The following GDPD5 variants were observed in gnomAD, a reference collection of about 807,000 sequenced individuals.
GDPD5 encodes glycerophosphodiester phosphodiesterase 2.
Under a neutral mutation model 75.1 loss-of-function variants are expected in GDPD5, and 48 were observed. That is an observed-to-expected ratio of 0.64 (90% CI 0.51 to 0.81). The LOEUF is 0.81. GDPD5 is among the 40% of genes least tolerant of loss of function. The pLI is 0.00. For synonymous variants in GDPD5, 336 were observed against 339.0 expected (o/e 0.99, Z 0.10); for missense variants, 706 against 822.6 (o/e 0.86, Z 1.73).
chr11:75,509,098 C>T (rs768532743), intron 1 of GDPD5: 1 of 152,384 alleles, frequency 6.6e-6, no homozygotes, highest in Non-Finnish European at 1.5e-5. Context: ...CCACCAGCCA[C>T]CCAGGGATGC....
chr11:75,524,156 GCAGGT>G (rs1234071475), intron 1 of GDPD5, among the ~76,000 whole-genome samples: 14 of 152,274 alleles, frequency 9.2e-5, no homozygotes, highest in African/African-American at 3.1e-4. Context: ...GAGACCTTGA[GCAGGT>G]CCCTTCCTTC....
At chr11:75,468,266 C>T (rs764564783) in intron 3 of GDPD5, among the ~76,000 whole-genome samples, 1 of 152,224 alleles carries the variant, frequency 6.6e-6, no homozygotes, top group Non-Finnish European at 1.5e-5. Context: ...CTGAATGTTA[C>T]AGAATTTCAG....
intron 10 of GDPD5, among the ~76,000 whole-genome samples, chr11:75,443,856 A>C (rs1948905616): frequency 6.6e-6 from 1 of 152,224 alleles, no homozygotes; most frequent in Admixed American, 6.5e-5. Context: ...CATCTGCTAG[A>C]AAGTTGTGAT....
chr11:75,523,111 G>A (rs1941526574), intron 1 of GDPD5, among the ~76,000 whole-genome samples: 1 of 152,194 alleles, frequency 6.6e-6, no homozygotes. Flanking sequence ...TCATAGGGAT[G>A]GAAACGGATA....
intron 1 of GDPD5, among the ~76,000 whole-genome samples, chr11:75,501,747 AGAG>A (rs1380751537): frequency 1.3e-5 from 2 of 152,128 alleles, no homozygotes; most frequent in African/African-American, 2.4e-5. Flanking sequence ...GGCTGGGGGC[AGAG>A]GAGGAGGCCA....
chr11:75,441,498 A>G, intron 13 of GDPD5, 148 bp downstream of exon 13: 1 of 1,120,700 alleles, frequency 8.9e-7, no homozygotes. Flanking sequence ...TTGTCTTTGA[A>G]CCATGTGTGC....
chr11:75,500,896 C>T (rs1950293442), intron 1 of GDPD5, among the ~76,000 whole-genome samples: 1 of 152,182 alleles, frequency 6.6e-6, no homozygotes, highest in South Asian at 2.1e-4. Flanking sequence ...CTGTAGTCAC[C>T]ACTCAAACTC....
At chr11:75,458,760 A>C (rs939937195) in intron 4 of GDPD5, among the ~76,000 whole-genome samples, 1 of 152,178 alleles carries the variant, frequency 6.6e-6, no homozygotes, top group Non-Finnish European at 1.5e-5. Flanking sequence ...GGTGAGATGC[A>C]TGGTAACTAC....
chr11:75,450,078 C>G, intron 6 of GDPD5, 95 bp from the exon 7 acceptor site: 1 of 977,068 alleles, frequency 1.0e-6, no homozygotes, highest in South Asian at 1.4e-5. Flanking sequence ...ACAGAGAGGG[C>G]AGGAGAGGCC....
At chr11:75,442,790 G>C (rs545474047) in intron 11 of GDPD5, 2 of 609,288 alleles carry the variant, frequency 3.3e-6, no homozygotes, top group Non-Finnish European at 5.8e-6. Context: ...GACGGAGGAC[G>C]GCTTGCTTGG....
At chr11:75,440,147 G>A (rs1317097788) in intron 14 of GDPD5, among the ~76,000 whole-genome samples, 186 bp from the exon 15 acceptor site, 2 of 152,178 alleles carry the variant, frequency 1.3e-5, no homozygotes, top group East Asian at 1.9e-4. Flanking sequence ...GTGGGCCTGG[G>A]GGCCGGGGCG....
chr11:75,472,734 G>A (rs923635754), intron 3 of GDPD5, among the ~76,000 whole-genome samples: 3 of 152,160 alleles, frequency 2.0e-5, no homozygotes, highest in Non-Finnish European at 4.4e-5. Flanking sequence ...CCTTCCAGTT[G>A]TTCATTCAGT....
At chr11:75,473,090 C>T (rs1949704110) in intron 3 of GDPD5, among the ~76,000 whole-genome samples, 1 of 151,898 alleles carries the variant, frequency 6.6e-6, no homozygotes, top group African/African-American at 2.4e-5. Context: ...TGCGGAGAAG[C>T]TCAGGGTGGC....
At chr11:75,452,248 A>C (rs1949179850) in intron 6 of GDPD5, 1 of 152,166 alleles carries the variant, frequency 6.6e-6, no homozygotes, top group African/African-American at 2.4e-5. Flanking sequence ...CCTCACTTGA[A>C]TCACGGTCTT....
intron 7 of GDPD5, 43 bp downstream of exon 7, chr11:75,449,838 CAGAA>C: frequency 1.3e-6 from 2 of 1,575,616 alleles, no homozygotes; most frequent in Non-Finnish European, 1.7e-6. Context: ...AGGGAAGTGA[CAGAA>C]AGGCTCTTGT....
Position 75,505,138 on chromosome 11 carries a change from C to A in GDPD5, c.-144-14818G>T, listed in dbSNP as rs1198387155. Among the ~76,000 whole-genome samples, 12 of 150,522 alleles carry A rather than the reference C, an allele frequency of 8.0e-5. 2 individuals carry two copies. Among genetic ancestry groups the A allele is most frequent in the Admixed American group, 1.3e-4 (2 of 15,142 alleles). ...CTCCATCTCAGAAAAAAAAAAACAA[C>A]AAAAAAAACCTCTCACTCTTGAGGT... On this transcript the variant is annotated intron_variant, in intron 1 of 16. Transcript: ENST00000336898.
At chr11:75,486,670 A>C (rs1463635545) in intron 2 of GDPD5, among the ~76,000 whole-genome samples, 1 of 151,986 alleles carries the variant, frequency 6.6e-6, no homozygotes, top group Non-Finnish European at 1.5e-5. Context: ...CCCTCCACCT[A>C]TCCTCAATGC....
At chr11:75,463,123 C>G (rs577581571) in intron 3 of GDPD5, among the ~76,000 whole-genome samples, 9 of 152,348 alleles carry the variant, frequency 5.9e-5, no homozygotes, top group Non-Finnish European at 1.2e-4. Flanking sequence ...AGGGCCTCCC[C>G]CCCTGGGGCT....
At chr11:75,493,020 G>A (rs1053364419) in intron 1 of GDPD5, among the ~76,000 whole-genome samples, 46 of 152,152 alleles carry the variant, frequency 3.0e-4, no homozygotes, top group African/African-American at 9.7e-4. Flanking sequence ...ATGAGCCACT[G>A]CACCTTGCAA....
Sources: allele counts gnomAD v4.1 joint callset (sites outside exome capture counted in the v4.1 genomes callset), GRCh38; gene constraint gnomAD v4.1.1; transcripts MANE v1.5; gene names NCBI Gene and HGNC (gene_info 2026-07-23, HGNC 2026-07-21).